ENOX1: variants seen among roughly 807,000 people sequenced by gnomAD.
ENOX1 encodes the protein ecto-NOX disulfide-thiol exchanger 1.
Under a neutral mutation model 82.5 loss-of-function variants are expected in ENOX1, and 42 were observed. The ratio of observed to expected loss-of-function variants is 0.51; its 90% confidence interval spans 0.40 to 0.66. The LOEUF is 0.66. ENOX1 is among the 30% of genes least tolerant of loss of function. ENOX1 has a pLI of 0.00. For missense variants in ENOX1, 608 were observed against 811.6 expected, an observed-to-expected ratio of 0.75 and a Z score of 3.05; for synonymous variants, 271 against 282.2, an observed-to-expected ratio of 0.96 and a Z score of 0.40.
intron 13 of ENOX1, among the ~76,000 whole-genome samples, chr13:43,268,430 T>C (rs2044503121): frequency 2.6e-5 from 4 of 152,242 alleles, no homozygotes; most frequent in Non-Finnish European, 4.4e-5. Context: ...ATATTCATCA[T>C]ATAAAGATAA....
At position 43,410,625 on chromosome 13, in the gene ENOX1, TAC is replaced by T. The variant is rs60371956; in HGVS notation, c.208+1289_208+1290del. On this transcript the variant is annotated intron_variant, in intron 5 of 16. Coordinates refer to ENST00000690772, the MANE Select transcript of ENOX1 (RefSeq NM_001347969.2). ...ATACACATATACACATACACACATG[TAC>T]ACACACACACACACACACACACACA... Among the ~76,000 whole-genome samples the T allele has an allele frequency of 7.4e-3, 1,083 of 146,810 alleles. 15 individuals carry two copies. Among genetic ancestry groups the T allele is most frequent in the African/African-American group, 0.022 (881 of 40,086 alleles).
chr13:43,304,554 T>C (rs1481152361), intron 11 of ENOX1, among the ~76,000 whole-genome samples: 3 of 152,174 alleles, frequency 2.0e-5, no homozygotes, highest in Non-Finnish European at 4.4e-5. Flanking sequence ...TCTGGCTCTA[T>C]CTGGGGAGTG....
At chr13:43,774,744 G>C (rs1005667520) in intron 1 of ENOX1, among the ~76,000 whole-genome samples, 1 of 152,128 alleles carries the variant, frequency 6.6e-6, no homozygotes, top group African/African-American at 2.4e-5. Flanking sequence ...GTGTGCACCA[G>C]CCCACAACAC....
chr13:43,419,831 C>A (rs764773854), intron 3 of ENOX1, among the ~76,000 whole-genome samples: 1 of 151,942 alleles, frequency 6.6e-6, no homozygotes, highest in African/African-American at 2.4e-5. Context: ...ATTAGCCGGG[C>A]GTGGTGACGT....
At chr13:43,746,500 G>A (rs572993455) in intron 1 of ENOX1, among the ~76,000 whole-genome samples, 1 of 152,176 alleles carries the variant, frequency 6.6e-6, no homozygotes, top group East Asian at 1.9e-4. Flanking sequence ...ATAAGTGGTC[G>A]ATAAGCTGGA....
intron 8 of ENOX1, among the ~76,000 whole-genome samples, chr13:43,350,470 A>C (rs1324351377): frequency 6.6e-6 from 1 of 152,142 alleles, no homozygotes; most frequent in Non-Finnish European, 1.5e-5. Flanking sequence ...TTTGAGATGG[A>C]GTTTTGCTCT....
chr13:43,595,467 T>C (rs1424721443), intron 2 of ENOX1, among the ~76,000 whole-genome samples: 6 of 152,206 alleles, frequency 3.9e-5, no homozygotes, highest in African/African-American at 1.4e-4. Context: ...AACGTGCAGG[T>C]CTCTTATGTA....
At chr13:43,729,812 G>A (rs2089225173) in intron 1 of ENOX1, among the ~76,000 whole-genome samples, 1 of 152,252 alleles carries the variant, frequency 6.6e-6, no homozygotes, top group African/African-American at 2.4e-5. Flanking sequence ...AACTTTGTAA[G>A]CTAAAGCTGG....
intron 2 of ENOX1, among the ~76,000 whole-genome samples, chr13:43,654,257 C>A (rs2084326864): frequency 6.6e-6 from 1 of 152,118 alleles, no homozygotes; most frequent in South Asian, 2.1e-4. Context: ...ACATAGACAT[C>A]CTGCCTAAGT....
rs758121848 is a variant in ENOX1 at position 43,412,049 on chromosome 13, G to A, written c.75C>T (p.Ala25=). ...QELPQMMAAA[A]DGLGSIAIDT... is the part of the protein sequence containing the mutation. ...CTATCGCTATACTCCCCAAACCATC[G>A]GCTGCTGTGGGGAAAAACAAACCAT... Residue 25 remains alanine (A), a synonymous_variant, in exon 5 of 17, where the codon GCC becomes GCT. Coordinates refer to ENST00000690772, the MANE Select transcript of ENOX1 (RefSeq NM_001347969.2). 3.3e-5 allele frequency: 54 copies of A among 1,613,040 alleles called. No individual in the cohort carries two copies. The highest frequency in any genetic ancestry group is 4.4e-5 in the Non-Finnish European group (52 of 1,179,296).
intron 1 of ENOX1, among the ~76,000 whole-genome samples, chr13:43,730,372 T>C (rs186013366): frequency 6.6e-6 from 1 of 152,156 alleles, no homozygotes; most frequent in Non-Finnish European, 1.5e-5. Flanking sequence ...GCACCAGCCA[T>C]CCACCAGATA....
chr13:43,433,226 T>C (rs556093244), intron 3 of ENOX1, among the ~76,000 whole-genome samples: 2 of 152,264 alleles, frequency 1.3e-5, no homozygotes, highest in South Asian at 2.1e-4. Flanking sequence ...AGTGAACATG[T>C]GTGAAGAGGC....
chr13:43,452,116 C>CTCTT (rs928822349), intron 3 of ENOX1, among the ~76,000 whole-genome samples: 3 of 152,056 alleles, frequency 2.0e-5, no homozygotes, highest in African/African-American at 7.2e-5. Flanking sequence ...ACAGATCTAC[C>CTCTT]TCTTTCTTTC....
intron 2 of ENOX1, among the ~76,000 whole-genome samples, chr13:43,500,195 T>C (rs990069755): frequency 2.0e-5 from 3 of 152,020 alleles, no homozygotes; most frequent in African/African-American, 4.8e-5. Flanking sequence ...TTTAAAGAAA[T>C]AATGGCTGAA....
At chr13:43,215,750 C>T (rs763869600) in intron 16 of ENOX1, among the ~76,000 whole-genome samples, 31 of 152,068 alleles carry the variant, frequency 2.0e-4, no homozygotes, top group Non-Finnish European at 4.3e-4. Context: ...TTCTCAGTAG[C>T]GGTCACCTGG....
intron 9 of ENOX1, among the ~76,000 whole-genome samples, chr13:43,330,334 C>A (rs1172988154): frequency 6.6e-6 from 1 of 152,258 alleles, no homozygotes; most frequent in Non-Finnish European, 1.5e-5. Context: ...GCCTTCACCA[C>A]CTCAGTGGTC....
At chr13:43,725,875 G>A (rs551297010) in intron 1 of ENOX1, among the ~76,000 whole-genome samples, 16 of 151,966 alleles carry the variant, frequency 1.1e-4, no homozygotes, top group African/African-American at 3.4e-4. Flanking sequence ...GCTGAGACAG[G>A]AGGGTTGCTT....
rs149922252 is a variant in ENOX1 at position 43,238,599 on chromosome 13, C to T, written c.1612-1861G>A. On this transcript the variant is annotated intron_variant, in intron 14 of 16. Transcript: ENST00000690772. ...TGGGAGGTTAAGATTGTTGAGCAGA[C>T]GCAAGCTGAAGCTTTGTAAGGTCTC... Among the ~76,000 whole-genome samples the T allele has an allele frequency of 4.7e-4, 72 of 152,042 alleles. 1 individual carries two copies. The highest frequency in any genetic ancestry group is 1.6e-3 in the African/African-American group (68 of 41,466).
intron 9 of ENOX1, among the ~76,000 whole-genome samples, chr13:43,342,209 T>A (rs1458314169): frequency 1.3e-5 from 2 of 152,164 alleles, no homozygotes; most frequent in Non-Finnish European, 2.9e-5. Context: ...TACTCACATG[T>A]GGATGCCGTG....
Sources: allele counts gnomAD v4.1 joint callset (sites outside exome capture counted in the v4.1 genomes callset), GRCh38; gene constraint gnomAD v4.1.1; transcripts MANE v1.5; gene names NCBI Gene and HGNC (gene_info 2026-07-23, HGNC 2026-07-21).